The following NALCN variants were observed in gnomAD, a reference collection of about 807,000 sequenced individuals.
NALCN encodes the protein sodium leak channel, non-selective.
Under a neutral mutation model 225.3 loss-of-function variants are expected in NALCN, and 111 were observed. That is an observed-to-expected ratio of 0.49 (90% CI 0.42 to 0.58). NALCN has a LOEUF of 0.58. Ranked by LOEUF, NALCN falls within the 20% of genes least tolerant of loss-of-function variation. The pLI is 0.00. For missense variants in NALCN, 1,378 were observed against 2,202.4 expected (o/e 0.63, Z 7.49); for synonymous variants, 764 against 769.0 (o/e 0.99, Z 0.11).
At chr13:101,405,086 C>T (rs192149188) in intron 1 of NALCN, among the ~76,000 whole-genome samples, 1 of 152,144 alleles carries the variant, frequency 6.6e-6, no homozygotes, top group African/African-American at 2.4e-5. Context: ...CCACAGAACT[C>T]AAAACAACAA....
chr13:101,351,012 C>A (rs2139322731), intron 6 of NALCN, among the ~76,000 whole-genome samples: 1 of 152,244 alleles, frequency 6.6e-6, no homozygotes, highest in Non-Finnish European at 1.5e-5. Flanking sequence ...AGCCAACATA[C>A]ATATATGTAT....
At chr13:101,371,616 C>T (rs1292773127) in intron 6 of NALCN, among the ~76,000 whole-genome samples, 1 of 152,118 alleles carries the variant, frequency 6.6e-6, no homozygotes, top group African/African-American at 2.4e-5. Context: ...GAGTTAGTTG[C>T]TTCTCATTGT....
intron 28 of NALCN, 58 bp downstream of exon 28, chr13:101,095,516 A>T: frequency 7.3e-7 from 1 of 1,372,462 alleles, no homozygotes; most frequent in Non-Finnish European, 1.0e-6. Flanking sequence ...ATACTTATTT[A>T]AAGCCTTATA....
intron 17 of NALCN, among the ~76,000 whole-genome samples, chr13:101,135,191 T>C (rs2036722720): frequency 6.6e-6 from 1 of 152,114 alleles, no homozygotes; most frequent in African/African-American, 2.4e-5. Context: ...CGAGACTCCG[T>C]CTCAAACAAA....
intron 18 of NALCN, chr13:101,116,897 T>C (rs751490788): frequency 2.0e-6 from 1 of 498,922 alleles, no homozygotes; most frequent in Non-Finnish European, 4.0e-6. Context: ...AGATAATGAG[T>C]ATTTCCTGGA....
intron 28 of NALCN, 125 bp downstream of exon 28, chr13:101,095,449 T>G (rs1021414385): frequency 2.8e-6 from 2 of 719,598 alleles, no homozygotes; most frequent in Admixed American, 3.1e-5. Context: ...TCGCCCTGTA[T>G]GACTTAAGAT....
intron 3 of NALCN, 52 bp from the exon 4 acceptor site, chr13:101,378,705 A>G (rs770639154): frequency 6.9e-7 from 1 of 1,453,998 alleles, no homozygotes. Context: ...ATTTTAAAGA[A>G]CAATCTGTGG....
intron 7 of NALCN, among the ~76,000 whole-genome samples, chr13:101,312,196 C>T (rs9585661): frequency 0.41 from 61,811 of 151,836 alleles, 12,947 homozygotes; most frequent in Middle Eastern, 0.47. Context: ...TCTGTGGGAT[C>T]GGTGGTGATA....
At chr13:101,073,114 A>G (rs1036355336) in intron 37 of NALCN, among the ~76,000 whole-genome samples, 2 of 152,202 alleles carry the variant, frequency 1.3e-5, no homozygotes, top group Non-Finnish European at 2.9e-5. Flanking sequence ...TGCTTGGGGA[A>G]GACAGGATAT....
chr13:101,141,263 A>T (rs1423247507), intron 17 of NALCN, among the ~76,000 whole-genome samples: 1 of 152,194 alleles, frequency 6.6e-6, no homozygotes, highest in African/African-American at 2.4e-5. Context: ...GAAAAAAGAC[A>T]TATAAGGTAT....
intron 6 of NALCN, among the ~76,000 whole-genome samples, chr13:101,357,772 C>T (rs1343599070): frequency 2.0e-5 from 3 of 152,132 alleles, no homozygotes; most frequent in Non-Finnish European, 4.4e-5. Flanking sequence ...ATCATGCTAC[C>T]TGACTTCAAA....
At chr13:101,126,569 C>T (rs755415883) in intron 17 of NALCN, among the ~76,000 whole-genome samples, 29 of 151,446 alleles carry the variant, frequency 1.9e-4, no homozygotes, top group Non-Finnish European at 3.2e-4. Context: ...CTCAGCTCAC[C>T]GCAACTTCCA....
At chr13:101,063,726 C>CTT (rs111813942) in intron 40 of NALCN, among the ~76,000 whole-genome samples, 1 of 146,330 alleles carries the variant, frequency 6.8e-6, no homozygotes, top group Non-Finnish European at 1.5e-5. Context: ...TGATCTGATC[C>CTT]TTTTTTTTTT....
chr13:101,353,215 T>C (rs2139331388), intron 6 of NALCN, among the ~76,000 whole-genome samples: 1 of 152,326 alleles, frequency 6.6e-6, no homozygotes, highest in South Asian at 2.1e-4. Flanking sequence ...TAGCCTTTGA[T>C]ACCTTACGTG....
At chr13:101,090,014 C>T in intron 28 of NALCN, 48 bp from the exon 29 acceptor site, 1 of 1,611,152 alleles carries the variant, frequency 6.2e-7, no homozygotes, top group East Asian at 2.2e-5. Context: ...ATAAGCAGCA[C>T]CCGAAGGCAA....
intron 17 of NALCN, among the ~76,000 whole-genome samples, chr13:101,135,139 G>A (rs1416581202): frequency 6.6e-6 from 1 of 152,218 alleles, no homozygotes; most frequent in African/African-American, 2.4e-5. Flanking sequence ...AGCTTGCAGT[G>A]AGCCGAGATC....
chr13:101,083,257 T>G, intron 31 of NALCN, 59 bp from the exon 32 acceptor site: 1 of 1,368,410 alleles, frequency 7.3e-7, no homozygotes, highest in Non-Finnish European at 1.0e-6. Context: ...TACTTTCTTG[T>G]CGTTTATTTT....
rs371849840 is a variant in NALCN, at chr13:101,062,124, G to A, written c.4605-6C>T. On this transcript the variant is annotated splice_region_variant and splice_polypyrimidine_tract_variant and intron_variant, in intron 40 of 43. Coordinates refer to ENST00000251127, the MANE Select transcript of NALCN (RefSeq NM_052867.4). ...CGGACCGGTATGAAAGCATGCTGGT[G>A]GGAGAAACACACCTGCAATCGCAGC... 1.4e-5 allele frequency: 22 copies of A among 1,613,588 alleles called. No individual in the cohort carries two copies. In the East Asian group the frequency reaches 1.6e-4, roughly 11 times the overall value.
At chr13:101,408,289 T>C (rs1183388604) in intron 1 of NALCN, among the ~76,000 whole-genome samples, 1 of 152,092 alleles carries the variant, frequency 6.6e-6, no homozygotes, top group Admixed American at 6.6e-5. Context: ...TGCCAGTCCT[T>C]CCGGGCCCTC....
Sources: allele counts gnomAD v4.1 joint callset (sites outside exome capture counted in the v4.1 genomes callset), GRCh38; gene constraint gnomAD v4.1.1; transcripts MANE v1.5; gene names NCBI Gene and HGNC (gene_info 2026-07-23, HGNC 2026-07-21).